Variants in ELAPOR2 observed in about 807,000 individuals in gnomAD.
ELAPOR2 encodes the protein endosome/lysosome-associated apoptosis and autophagy regulator family member 2.
In ELAPOR2, 89 loss-of-function variants were observed where a neutral mutation model predicts 120.7. That is an observed-to-expected ratio of 0.74 (90% confidence interval 0.62 to 0.88). The LOEUF (loss-of-function observed/expected upper bound fraction) is 0.88. ELAPOR2 is among the 40% of genes least tolerant of loss of function. The pLI, the probability that ELAPOR2 is intolerant of heterozygous loss-of-function variation, is 0.00. For synonymous variants in ELAPOR2, 444 were observed against 444.9 expected (o/e 1.00, Z 0.03); for missense variants, 1,134 against 1,251.6 (o/e 0.91, Z 1.42).
At position 86,938,855 on chromosome 7, in the gene ELAPOR2, T is replaced by C; in HGVS notation, c.953A>G (p.Lys318Arg). Residue 318 changes from lysine (K) to arginine (R), a missense_variant, in exon 7 of 22, where the codon AAA becomes AGA. Lys to Arg is a conservative substitution (Grantham distance 26). Transcript: ENST00000450689. ...QVCPRNTYSEKGAKECIRCKD... is the reference protein window; with the variant it reads ...QVCPRNTYSERGAKECIRCKD... ...ACACCTTATACATTCTTTGGCTCCT[T>C]TCTCAGAATAGGTGTTTCTGGGACA... 6.2e-7 allele frequency: 1 copy of C among 1,613,388 alleles called. No homozygotes were observed. The highest frequency in any genetic ancestry group is 2.2e-5 in the East Asian group (1 of 44,860).
At chr7:86,908,387 C>T in intron 17 of ELAPOR2, 60 bp downstream of exon 17, 1 of 837,550 alleles carries the variant, frequency 1.2e-6, no homozygotes, top group African/African-American at 1.8e-5. Flanking sequence ...TATTGGTGTT[C>T]CATATATATA....
chr7:86,965,123 C>G, intron 1 of ELAPOR2, 99 bp from the exon 2 acceptor site: 1 of 1,263,696 alleles, frequency 7.9e-7, no homozygotes, highest in Non-Finnish European at 1.1e-6. Context: ...AAGCTGTACC[C>G]TCTCCTTGAT....
At chr7:87,025,000 A>T (rs1794196608) in intron 1 of ELAPOR2, among the ~76,000 whole-genome samples, 1 of 151,868 alleles carries the variant, frequency 6.6e-6, no homozygotes, top group Admixed American at 6.6e-5. Context: ...AAAAAAAAAA[A>T]ACCATAGGCT....
chr7:86,910,304 A>G (rs1412902128), intron 15 of ELAPOR2, among the ~76,000 whole-genome samples: 2 of 152,162 alleles, frequency 1.3e-5, no homozygotes, highest in African/African-American at 4.8e-5. Flanking sequence ...TTGAGAAAAT[A>G]AAAGTAATCT....
intron 1 of ELAPOR2, among the ~76,000 whole-genome samples, chr7:87,027,944 C>T (rs1188076382): frequency 6.6e-6 from 1 of 152,054 alleles, no homozygotes; most frequent in Non-Finnish European, 1.5e-5. Context: ...CAAAATGTCT[C>T]AAATTAAAAG....
intron 1 of ELAPOR2, among the ~76,000 whole-genome samples, chr7:87,039,849 T>C (rs1297143723): frequency 6.6e-6 from 1 of 151,770 alleles, no homozygotes. Flanking sequence ...TGCATTTCCA[T>C]CTGAGGTACC....
intron 21 of ELAPOR2, among the ~76,000 whole-genome samples, chr7:86,881,805 C>T (rs889666016): frequency 1.3e-4 from 20 of 152,120 alleles, no homozygotes; most frequent in Non-Finnish European, 4.4e-5. Context: ...ATGAAGAGAA[C>T]TATGACTATT....
chr7:87,022,059 C>G (rs1433350667), intron 1 of ELAPOR2, among the ~76,000 whole-genome samples: 2 of 151,940 alleles, frequency 1.3e-5, no homozygotes, highest in Non-Finnish European at 2.9e-5. Flanking sequence ...AGTGAATAAA[C>G]TAAACTAAAA....
intron 1 of ELAPOR2, among the ~76,000 whole-genome samples, chr7:86,978,734 A>C (rs1792361797): frequency 6.6e-6 from 1 of 152,184 alleles, no homozygotes; most frequent in Non-Finnish European, 1.5e-5. Context: ...ATCTGTAATA[A>C]GATTGTAATG....
chr7:87,048,714 C>A (rs945439108), intron 1 of ELAPOR2, among the ~76,000 whole-genome samples: 3 of 152,096 alleles, frequency 2.0e-5, no homozygotes, highest in African/African-American at 7.2e-5. Flanking sequence ...ACATTGCATG[C>A]CTGTATCAAA....
chr7:86,890,877 T>C (rs1237665589), intron 21 of ELAPOR2, among the ~76,000 whole-genome samples: 1 of 152,070 alleles, frequency 6.6e-6, no homozygotes, highest in Non-Finnish European at 1.5e-5. Flanking sequence ...AAGGAAATGG[T>C]TACTATTACT....
chr7:86,949,150 C>T (rs757082993), intron 2 of ELAPOR2, among the ~76,000 whole-genome samples: 1 of 152,182 alleles, frequency 6.6e-6, no homozygotes, highest in Non-Finnish European at 1.5e-5. Flanking sequence ...AAATCAACAT[C>T]CCCAAATCAG....
At chr7:86,980,745 C>T (rs1792443567) in intron 1 of ELAPOR2, among the ~76,000 whole-genome samples, 1 of 152,104 alleles carries the variant, frequency 6.6e-6, no homozygotes, top group Non-Finnish European at 1.5e-5. Flanking sequence ...CAATCTCCTC[C>T]TCTCCTTAAA....
chr7:86,938,248 C>A lies in ELAPOR2; in HGVS notation c.1001-34G>T. 2.7e-6 allele frequency: 4 copies of A among 1,487,016 alleles called. No homozygotes were observed. In the South Asian group the frequency reaches 4.9e-5, roughly 18 times the overall value. 92.1% of individuals were successfully genotyped at this position (1,487,016 alleles called of 1,614,324 possible). ...TAAAAAAAGCGTTTCAGAAATGGGT[C>A]AATTATTTTGCAACTCTAAGAAAAG... On this transcript the variant is annotated intron_variant, in intron 7 of 21. Transcript: ENST00000450689.
intron 9 of ELAPOR2, among the ~76,000 whole-genome samples, chr7:86,926,265 G>A (rs533237645): frequency 7.0e-4 from 107 of 152,054 alleles, no homozygotes; most frequent in African/African-American, 2.4e-3. Flanking sequence ...TAGCCACTTC[G>A]CATCATCACA....
At chr7:86,883,831 T>A (rs902077197) in intron 21 of ELAPOR2, among the ~76,000 whole-genome samples, 1 of 152,208 alleles carries the variant, frequency 6.6e-6, no homozygotes, top group African/African-American at 2.4e-5. Context: ...TATAGATGTA[T>A]ATTCATTTCT....
rs532090506 is a variant in ELAPOR2 at position 86,877,488 on chromosome 7, G to A, written c.*2983C>T. 25 of 152,162 alleles carry A rather than the reference G, an allele frequency of 1.6e-4. No homozygotes were observed. Among genetic ancestry groups the A allele is most frequent in the Admixed American group, 2.6e-4 (4 of 15,278 alleles). The allele number at this position is 152,162 out of a possible 1,614,324, so 9.4% of individuals were successfully genotyped here. A position where few individuals can be genotyped will look rare whatever the true frequency, so the allele number is the denominator to read the frequency against. ...ATACTCTTAGTGTACAAAGATAAAC[G>A]TGAGCAGTACACTCACTTTAAACAT... On this transcript the variant is annotated 3_prime_UTR_variant, in exon 22 of 22. Coordinates refer to ENST00000450689, the MANE Select transcript of ELAPOR2 (RefSeq NM_001142749.3).
chr7:87,020,900 C>T (rs1431798717), intron 1 of ELAPOR2, among the ~76,000 whole-genome samples: 2 of 152,020 alleles, frequency 1.3e-5, no homozygotes, highest in Non-Finnish European at 2.9e-5. Flanking sequence ...TCCAGGTATG[C>T]TAGTGTGTCT....
At chr7:87,031,300 A>G (rs1474372723) in intron 1 of ELAPOR2, among the ~76,000 whole-genome samples, 1 of 152,228 alleles carries the variant, frequency 6.6e-6, no homozygotes, top group Non-Finnish European at 1.5e-5. Context: ...TTAATTGTTC[A>G]TCCAACTGAA....
Sources: gnomAD v4.1 joint callset for allele counts (sites outside exome capture counted in the v4.1 genomes callset) on GRCh38, gnomAD v4.1.1 for gene constraint, MANE v1.5 for transcripts, NCBI Gene and HGNC (gene_info 2026-07-23, HGNC 2026-07-21) for gene names.